The following SDK1 variants were observed in gnomAD, a reference collection of about 807,000 sequenced individuals.
SDK1 encodes sidekick cell adhesion molecule 1.
In SDK1, 157 loss-of-function variants were observed where a neutral mutation model predicts 245.5. The observed-to-expected ratio is 0.64, with a 90% CI of 0.56 to 0.73. SDK1 has a LOEUF of 0.73. Ranked by LOEUF, SDK1 falls within the 30% of genes least tolerant of loss-of-function variation. The pLI, the probability that SDK1 is intolerant of heterozygous loss-of-function variation, is 0.00. For missense variants in SDK1, 3,583 were observed against 3,002.3 expected (o/e 1.19, Z -4.52); for synonymous variants, 1,647 against 1,278.5 (o/e 1.29, Z -6.15).
intron 4 of SDK1, among the ~76,000 whole-genome samples, chr7:3,682,728 T>A (rs1784145455): frequency 6.6e-6 from 1 of 152,136 alleles, no homozygotes; most frequent in Non-Finnish European, 1.5e-5. Context: ...TACAGTTTTT[T>A]TTTTTTTTAA....
At chr7:3,629,059 GA>G (rs1782205031) in intron 2 of SDK1, among the ~76,000 whole-genome samples, 1 of 151,806 alleles carries the variant, frequency 6.6e-6, no homozygotes, top group African/African-American at 2.4e-5. Flanking sequence ...TTGGGAGGCG[GA>G]GACGGGCAGA....
intron 2 of SDK1, among the ~76,000 whole-genome samples, chr7:3,621,987 C>T (rs1015234540): frequency 6.6e-6 from 1 of 152,054 alleles, no homozygotes; most frequent in Non-Finnish European, 1.5e-5. Flanking sequence ...TATTATAAAG[C>T]AGGCTTTGTG....
intron 22 of SDK1, among the ~76,000 whole-genome samples, chr7:4,101,882 G>A (rs974631725): frequency 5.3e-5 from 8 of 152,162 alleles, no homozygotes; most frequent in African/African-American, 1.7e-4. Context: ...GTCAGAGAAA[G>A]GGCCAGATGG....
chr7:4,216,319 C>G (rs1426411487), intron 38 of SDK1, among the ~76,000 whole-genome samples: 1 of 152,196 alleles, frequency 6.6e-6, no homozygotes, highest in African/African-American at 2.4e-5. Flanking sequence ...CCTCACTGCC[C>G]TGCACCTCCA....
intron 22 of SDK1, among the ~76,000 whole-genome samples, chr7:4,087,499 G>T (rs376857870): frequency 8.3e-6 from 1 of 120,792 alleles, no homozygotes; most frequent in African/African-American, 3.7e-5. Flanking sequence ...ACACACACAC[G>T]CATTGCTTGA....
At chr7:3,430,400 A>AG (rs2128584039) in intron 1 of SDK1, among the ~76,000 whole-genome samples, 1 of 152,310 alleles carries the variant, frequency 6.6e-6, no homozygotes, top group South Asian at 2.1e-4. Flanking sequence ...TCTGAAATCC[A>AG]GGTATCCTAA....
intron 1 of SDK1, among the ~76,000 whole-genome samples, chr7:3,427,554 G>GAAAGAA (rs1348432122): frequency 1.5e-4 from 22 of 151,030 alleles, no homozygotes; most frequent in African/African-American, 5.1e-4. Flanking sequence ...GAAGAATTGA[G>GAAAGAA]AATTAAAAAC....
At chr7:3,365,842 G>C (rs1781073940) in intron 1 of SDK1, among the ~76,000 whole-genome samples, 1 of 151,968 alleles carries the variant, frequency 6.6e-6, no homozygotes, top group Middle Eastern at 3.4e-3. Flanking sequence ...TTTGAGACCA[G>C]CCTGGCCAAC....
chr7:4,210,188 G>T (rs773263849), intron 38 of SDK1, 26 bp downstream of exon 38: 1 of 1,513,320 alleles, frequency 6.6e-7, no homozygotes, highest in Non-Finnish European at 8.8e-7. Flanking sequence ...GGGGAGATGG[G>T]AGCGCGGGCC....
intron 4 of SDK1, among the ~76,000 whole-genome samples, chr7:3,807,456 C>T (rs1434229495): frequency 6.6e-6 from 1 of 152,262 alleles, no homozygotes; most frequent in South Asian, 2.1e-4. Flanking sequence ...GAAAATCTAC[C>T]CCTGCATTTC....
chr7:4,161,119 C>A (rs991430421), intron 31 of SDK1, among the ~76,000 whole-genome samples: 1 of 152,116 alleles, frequency 6.6e-6, no homozygotes, highest in East Asian at 1.9e-4. Flanking sequence ...TTGGAGGGAG[C>A]AGAGGAGGCA....
chr7:4,216,644 T>C (rs1784814090), intron 38 of SDK1, among the ~76,000 whole-genome samples: 1 of 152,166 alleles, frequency 6.6e-6, no homozygotes, highest in Non-Finnish European at 1.5e-5. Flanking sequence ...TTTTAAAATA[T>C]GGTAAAGATA....
chr7:4,046,753 A>C (rs1789042130), intron 17 of SDK1, among the ~76,000 whole-genome samples: 1 of 152,086 alleles, frequency 6.6e-6, no homozygotes, highest in Non-Finnish European at 1.5e-5. Flanking sequence ...TGGCTATTCT[A>C]GTTACCTTGC....
chr7:3,611,690 C>G (rs775841103), intron 1 of SDK1, among the ~76,000 whole-genome samples: 3 of 152,134 alleles, frequency 2.0e-5, no homozygotes, highest in Non-Finnish European at 4.4e-5. Flanking sequence ...CCCTTTTCAC[C>G]ACGTCCCTGC....
chr7:3,330,095 A>G (rs900232191), intron 1 of SDK1, among the ~76,000 whole-genome samples: 2 of 151,910 alleles, frequency 1.3e-5, no homozygotes, highest in Admixed American at 6.5e-5. Flanking sequence ...TTTCCCATTT[A>G]CCAGTTGATT....
At chr7:3,643,876 TTAC>T (rs1427361174) in intron 4 of SDK1, 1 of 148,714 alleles carries the variant, frequency 6.7e-6, no homozygotes, top group Non-Finnish European at 1.5e-5. Context: ...ATTATTATTA[TTAC>T]TATTAATAAT....
chr7:3,516,405 A>C (rs989675328), intron 1 of SDK1, among the ~76,000 whole-genome samples: 1 of 152,086 alleles, frequency 6.6e-6, no homozygotes, highest in Non-Finnish European at 1.5e-5. Context: ...ACCAACAACT[A>C]ACTTTTATAA....
At chr7:3,922,310 G>C (rs1779618930) in intron 5 of SDK1, among the ~76,000 whole-genome samples, 1 of 152,182 alleles carries the variant, frequency 6.6e-6, no homozygotes, top group Admixed American at 6.5e-5. Context: ...ACTTACCCCA[G>C]CTAGTGAGAG....
intron 4 of SDK1, among the ~76,000 whole-genome samples, chr7:3,650,665 A>G (rs1782984894): frequency 6.6e-6 from 1 of 152,066 alleles, no homozygotes; most frequent in African/African-American, 2.4e-5. Flanking sequence ...CAATACTAGG[A>G]TTTCTCTTAT....
Sources: gnomAD v4.1 joint callset for allele counts (sites outside exome capture counted in the v4.1 genomes callset) on GRCh38, gnomAD v4.1.1 for gene constraint, MANE v1.5 for transcripts, NCBI Gene and HGNC (gene_info 2026-07-23, HGNC 2026-07-21) for gene names.